ARB2A: variants seen among roughly 807,000 people sequenced by gnomAD.
The protein encoded by ARB2A is ARB2 cotranscriptional regulator A, also known as cotranscriptional regulator ARB2A.
the ARB2A span, among the ~76,000 whole-genome samples, chr5:94,074,149 A>G: frequency 5.3e-5 from 8 of 152,154 alleles, no homozygotes; most frequent in African/African-American, 7.2e-5. Flanking sequence ...AAGTCAAATT[A>G]CTTTAGATAG....
At chr5:94,042,756 T>TA in the ARB2A span, among the ~76,000 whole-genome samples, 1 of 152,284 alleles carries the variant, frequency 6.6e-6, no homozygotes. Context: ...AATTCCAAGG[T>TA]AAAATTTGGC....
chr5:93,940,176 T>G, the ARB2A span, among the ~76,000 whole-genome samples: 1 of 152,110 alleles, frequency 6.6e-6, no homozygotes, highest in African/African-American at 2.4e-5. Flanking sequence ...AGTACAAGGT[T>G]ACAAGTTATA....
chr5:93,688,020 C>T, the ARB2A span, among the ~76,000 whole-genome samples: 2 of 151,588 alleles, frequency 1.3e-5, no homozygotes, highest in Non-Finnish European at 2.9e-5. Context: ...GTCACCCAGG[C>T]TGGAGTGCAG....
the ARB2A span, among the ~76,000 whole-genome samples, chr5:93,742,627 C>A: frequency 9.2e-5 from 14 of 152,172 alleles, no homozygotes; most frequent in Non-Finnish European, 1.3e-4. Flanking sequence ...ATTCTTTAAA[C>A]CAACCATGAT....
the ARB2A span, among the ~76,000 whole-genome samples, chr5:93,704,675 C>A: frequency 6.6e-6 from 1 of 152,246 alleles, no homozygotes; most frequent in South Asian, 2.1e-4. Context: ...TCTGGCTCTG[C>A]AGTGGAAAGC....
At chr5:94,020,242 C>CGG in the ARB2A span, among the ~76,000 whole-genome samples, 1 of 28,598 alleles carries the variant, frequency 3.5e-5, no homozygotes, top group African/African-American at 1.4e-4. Context: ...GGACACGGGG[C>CGG]GGGGGGGGTA....
At chr5:93,968,262 T>C in the ARB2A span, among the ~76,000 whole-genome samples, 9 of 152,098 alleles carry the variant, frequency 5.9e-5, no homozygotes, top group Non-Finnish European at 8.8e-5. Context: ...GCAGAGATAG[T>C]GGAATCATCA....
chr5:93,864,226 G>A, the ARB2A span, among the ~76,000 whole-genome samples: 3 of 152,092 alleles, frequency 2.0e-5, no homozygotes, highest in Admixed American at 1.3e-4. Context: ...AAGGTTAAGT[G>A]CAATTATTAA....
the ARB2A span, among the ~76,000 whole-genome samples, chr5:93,827,864 C>T: frequency 1.3e-4 from 20 of 152,090 alleles, no homozygotes; most frequent in African/African-American, 4.1e-4. Flanking sequence ...ATCCTTTCCC[C>T]ATTGCTTGTT....
the ARB2A span, among the ~76,000 whole-genome samples, chr5:93,920,195 C>A: frequency 6.6e-6 from 1 of 152,030 alleles, no homozygotes; most frequent in East Asian, 1.9e-4. Context: ...ACATTGTTTG[C>A]GTAGTTAGAG....
the ARB2A span, among the ~76,000 whole-genome samples, chr5:94,104,785 C>A: frequency 8.1e-4 from 123 of 152,126 alleles, no homozygotes; most frequent in African/African-American, 2.9e-3. Context: ...AGCAGCACAT[C>A]AAAAACCTAA....
At chr5:93,987,134 T>A in the ARB2A span, among the ~76,000 whole-genome samples, 2 of 152,104 alleles carry the variant, frequency 1.3e-5, no homozygotes, top group Non-Finnish European at 2.9e-5. Context: ...AAAATAAAGA[T>A]CGACCCTGTA....
At chr5:93,853,942 G>T in the ARB2A span, among the ~76,000 whole-genome samples, 1 of 152,130 alleles carries the variant, frequency 6.6e-6, no homozygotes, top group Non-Finnish European at 1.5e-5. Flanking sequence ...TCTCTCCCTG[G>T]CTTTGGTATC....
the ARB2A span, among the ~76,000 whole-genome samples, chr5:94,088,933 T>C: frequency 1.3e-5 from 2 of 152,138 alleles, no homozygotes; most frequent in Non-Finnish European, 2.9e-5. Context: ...TTCATTTAAT[T>C]ATAAAAGAAA....
At chr5:93,956,425 T>A in the ARB2A span, among the ~76,000 whole-genome samples, 1 of 152,164 alleles carries the variant, frequency 6.6e-6, no homozygotes, top group African/African-American at 2.4e-5. Flanking sequence ...AGGAATCCAA[T>A]TTTAGGAATT....
chr5:93,891,006 T>C, the ARB2A span, among the ~76,000 whole-genome samples: 1 of 152,098 alleles, frequency 6.6e-6, no homozygotes, highest in Admixed American at 6.6e-5. Flanking sequence ...CCCTTCTCAT[T>C]TCCTTTTCTC....
chr5:93,793,239 A>ATTTTTTTTTTT, the ARB2A span, among the ~76,000 whole-genome samples: 121 of 64,736 alleles, frequency 1.9e-3, 6 homozygotes, highest in East Asian at 2.2e-3. Flanking sequence ...CTTCTGGCTA[A>ATTTTTTTTTTT]TTTTTTTTTT....
the ARB2A span, among the ~76,000 whole-genome samples, chr5:93,809,524 C>T: frequency 6.6e-6 from 1 of 151,990 alleles, no homozygotes; most frequent in Non-Finnish European, 1.5e-5. Flanking sequence ...TTCCCTAAGG[C>T]ATAACTAAAC....
the ARB2A span, among the ~76,000 whole-genome samples, chr5:93,690,042 A>G: frequency 6.6e-6 from 1 of 152,244 alleles, no homozygotes; most frequent in Non-Finnish European, 1.5e-5. Context: ...CACTTTTCCC[A>G]TGGTCTTCAC....
Sources: gnomAD v4.1 joint callset for allele counts (sites outside exome capture counted in the v4.1 genomes callset) on GRCh38, gnomAD v4.1.1 for gene constraint, MANE v1.5 for transcripts, NCBI Gene and HGNC (gene_info 2026-07-23, HGNC 2026-07-21) for gene names.